The following CCSER1 variants were observed in gnomAD, a reference collection of about 807,000 sequenced individuals.
The protein encoded by CCSER1 is coiled-coil serine rich protein 1.
A neutral mutation model predicts 82.0 loss-of-function variants in CCSER1; 41 were observed. The observed-to-expected ratio is 0.50, with a 90% CI of 0.39 to 0.65. CCSER1 has a LOEUF of 0.65. Among genes scored for constraint, CCSER1 ranks in the 30% least tolerant of loss-of-function variants. The probability of loss-of-function intolerance (pLI) is 0.00; values close to 1 mark genes in which losing one functional copy is unlikely to be tolerated. For missense variants in CCSER1, 1,119 were observed against 1,064.2 expected, an observed-to-expected ratio of 1.05 and a Z score of -0.72; for synonymous variants, 414 against 383.9, an observed-to-expected ratio of 1.08 and a Z score of -0.92.
chr4:91,165,511 G>T (rs1443888146), intron 10 of CCSER1, among the ~76,000 whole-genome samples: 1 of 152,192 alleles, frequency 6.6e-6, no homozygotes, highest in East Asian at 1.9e-4. Flanking sequence ...GCTGCCTCTT[G>T]TTCAGCCATG....
At chr4:91,403,410 G>T (rs1752473569) in intron 10 of CCSER1, among the ~76,000 whole-genome samples, 1 of 152,002 alleles carries the variant, frequency 6.6e-6, no homozygotes, top group Non-Finnish European at 1.5e-5. Flanking sequence ...TGACTGCCCT[G>T]GGCAGAACTT....
intron 1 of CCSER1, among the ~76,000 whole-genome samples, chr4:90,266,846 C>T (rs1053810799): frequency 1.5e-4 from 23 of 152,084 alleles, no homozygotes; most frequent in Admixed American, 1.2e-3. Flanking sequence ...TTGAAAGGCT[C>T]ACTAGGCCAC....
intron 10 of CCSER1, among the ~76,000 whole-genome samples, chr4:91,230,102 A>G (rs1282607210): frequency 1.3e-5 from 2 of 152,188 alleles, no homozygotes; most frequent in Non-Finnish European, 2.9e-5. Flanking sequence ...ATTTGCTATG[A>G]GATGAAACAA....
In CCSER1 at chr4:91,575,240, A is replaced by G. The variant is rs529558436; in HGVS notation, c.2218-23332A>G. Among the ~76,000 whole-genome samples the G allele has an allele frequency of 3.3e-5, 5 of 152,136 alleles. No individual in the cohort carries two copies. The South Asian group carries it at 8.3e-4, about 25-fold the overall frequency. On this transcript the variant is annotated intron_variant, in intron 10 of 10. Transcript: ENST00000509176. ...TTTAAAATGGATTAAAGATTTAAAC[A>G]TAAGACCTAAAACCATAAACCTCCT...
At chr4:91,114,794 T>G (rs757321230) in intron 10 of CCSER1, among the ~76,000 whole-genome samples, 1 of 152,236 alleles carries the variant, frequency 6.6e-6, no homozygotes, top group Non-Finnish European at 1.5e-5. Flanking sequence ...TCATTGGTTG[T>G]TAGTATTTTT....
chr4:91,265,450 C>A (rs992213338), intron 10 of CCSER1, among the ~76,000 whole-genome samples: 2 of 151,142 alleles, frequency 1.3e-5, no homozygotes, highest in African/African-American at 4.8e-5. Flanking sequence ...AAACTTTAGG[C>A]CTATATTAAA....
intron 7 of CCSER1, among the ~76,000 whole-genome samples, chr4:90,804,264 G>T (rs1757215024): frequency 6.6e-6 from 1 of 152,070 alleles, no homozygotes; most frequent in Non-Finnish European, 1.5e-5. Context: ...TGCTTTTGGT[G>T]TTTTAGACAT....
At chr4:90,923,557 C>A in intron 9 of CCSER1, 110 bp downstream of exon 9, 1 of 712,566 alleles carries the variant, frequency 1.4e-6, no homozygotes, top group Non-Finnish European at 2.4e-6. Flanking sequence ...CAGGATTTAG[C>A]GGTGCACCAT....
chr4:90,693,448 A>C (rs1420737466), intron 6 of CCSER1: 1 of 151,942 alleles, frequency 6.6e-6, no homozygotes, highest in Non-Finnish European at 1.5e-5. Flanking sequence ...GTAAAACTAG[A>C]CTTTATTTCA....
intron 10 of CCSER1, among the ~76,000 whole-genome samples, chr4:91,408,737 A>C (rs1752851576): frequency 1.3e-5 from 2 of 152,220 alleles, no homozygotes; most frequent in Non-Finnish European, 2.9e-5. Context: ...ACCAGCTTAT[A>C]TAACATTCAG....
At chr4:91,537,963 G>T (rs1761382206) in intron 10 of CCSER1, among the ~76,000 whole-genome samples, 1 of 151,982 alleles carries the variant, frequency 6.6e-6, no homozygotes, top group African/African-American at 2.4e-5. Context: ...AAGAATGAGA[G>T]AAAGCATTAA....
At chr4:90,906,572 A>G (rs920858731) in intron 8 of CCSER1, among the ~76,000 whole-genome samples, 3 of 152,164 alleles carry the variant, frequency 2.0e-5, no homozygotes, top group Admixed American at 2.0e-4. Flanking sequence ...CCATAAAATA[A>G]AATGCTCACA....
intron 7 of CCSER1, among the ~76,000 whole-genome samples, chr4:90,755,925 C>T (rs1382793512): frequency 6.6e-6 from 1 of 152,062 alleles, no homozygotes; most frequent in Admixed American, 6.6e-5. Flanking sequence ...AAAAACCTAG[C>T]TTTTAAAATG....
intron 1 of CCSER1, among the ~76,000 whole-genome samples, chr4:90,203,648 A>G (rs932538659): frequency 1.3e-4 from 20 of 152,204 alleles, no homozygotes; most frequent in African/African-American, 4.8e-4. Flanking sequence ...TAGTGCTGCA[A>G]TAAACATACG....
chr4:91,103,993 G>T (rs192121027), intron 10 of CCSER1, among the ~76,000 whole-genome samples: 44 of 152,124 alleles, frequency 2.9e-4, no homozygotes, highest in Admixed American at 7.2e-4. Context: ...TTCCTGGGGG[G>T]AGGTCTATAA....
intron 1 of CCSER1, among the ~76,000 whole-genome samples, chr4:90,199,202 A>G (rs931744651): frequency 5.9e-5 from 9 of 152,152 alleles, no homozygotes; most frequent in African/African-American, 2.2e-4. Context: ...TACTTTAAAT[A>G]CTTTTAAAAA....
intron 10 of CCSER1, among the ~76,000 whole-genome samples, chr4:91,141,587 A>G (rs1241109106): frequency 6.6e-6 from 1 of 152,242 alleles, no homozygotes; most frequent in East Asian, 1.9e-4. Context: ...TGCAATGGAC[A>G]TATGAGTGCT....
chr4:90,877,715 GA>G (rs983129027), intron 8 of CCSER1, among the ~76,000 whole-genome samples: 210 of 138,560 alleles, frequency 1.5e-3, no homozygotes, highest in South Asian at 6.9e-3. Flanking sequence ...GAAAAAAAAA[GA>G]AAAAAAAAAA....
At chr4:90,435,459 A>G (rs1758874024) in intron 4 of CCSER1, among the ~76,000 whole-genome samples, 1 of 152,162 alleles carries the variant, frequency 6.6e-6, no homozygotes, top group Non-Finnish European at 1.5e-5. Context: ...GGAAGAAACT[A>G]AATGAATTAA....
Sources: gnomAD v4.1 joint callset for allele counts (sites outside exome capture counted in the v4.1 genomes callset) on GRCh38, gnomAD v4.1.1 for gene constraint, MANE v1.5 for transcripts, NCBI Gene and HGNC (gene_info 2026-07-23, HGNC 2026-07-21) for gene names.